The following DNM3 variants were observed in gnomAD, a reference collection of about 807,000 sequenced individuals.
The protein encoded by DNM3 is dynamin-3.
Under a neutral mutation model 101.6 loss-of-function variants are expected in DNM3, and 47 were observed. The observed-to-expected ratio is 0.46, with a 90% confidence interval of 0.37 to 0.59. DNM3 has a LOEUF of 0.59. Ranked by LOEUF, DNM3 falls within the 20% of genes least tolerant of loss-of-function variation. DNM3 has a pLI of 0.00. For synonymous variants in DNM3, 385 were observed against 387.9 expected, an observed-to-expected ratio of 0.99 and a Z score of 0.09; for missense variants, 849 against 1,085.7, an observed-to-expected ratio of 0.78 and a Z score of 3.06.
intron 14 of DNM3, among the ~76,000 whole-genome samples, chr1:172,212,599 G>A (rs2060551245): frequency 6.6e-6 from 1 of 152,142 alleles, no homozygotes; most frequent in South Asian, 2.1e-4. Context: ...ACAGGAGAAG[G>A]TGTGATATGT....
chr1:172,191,381 G>A (rs1469942166), intron 14 of DNM3, among the ~76,000 whole-genome samples: 3 of 152,132 alleles, frequency 2.0e-5, no homozygotes, highest in African/African-American at 7.2e-5. Flanking sequence ...CTATATCTCT[G>A]TTTTGGTACC....
chr1:172,164,094 C>T (rs2058659136), intron 14 of DNM3, among the ~76,000 whole-genome samples: 1 of 151,896 alleles, frequency 6.6e-6, no homozygotes, highest in South Asian at 2.1e-4. Flanking sequence ...ATGAACTAAC[C>T]ACTAACTGAG....
At chr1:171,868,648 T>C (rs1161901300) in intron 1 of DNM3, among the ~76,000 whole-genome samples, 5 of 152,242 alleles carry the variant, frequency 3.3e-5, no homozygotes, top group Non-Finnish European at 7.3e-5. Context: ...TAGTACCTTC[T>C]GGCAACTCTG....
intron 2 of DNM3, among the ~76,000 whole-genome samples, chr1:171,974,816 C>A (rs2044252609): frequency 6.8e-6 from 1 of 146,124 alleles, no homozygotes. Context: ...TAAGGACAAC[C>A]TTTGGTTCTT....
intron 11 of DNM3, among the ~76,000 whole-genome samples, chr1:172,079,878 C>T (rs558749563): frequency 3.1e-4 from 47 of 152,302 alleles, no homozygotes; most frequent in African/African-American, 1.1e-3. Flanking sequence ...CAGTCAGGCC[C>T]CTCTGCTGCA....
At chr1:171,959,291 A>G (rs1443144232) in intron 2 of DNM3, among the ~76,000 whole-genome samples, 1 of 152,038 alleles carries the variant, frequency 6.6e-6, no homozygotes, top group Non-Finnish European at 1.5e-5. Context: ...CAAATGTAGT[A>G]TTTTGTATTA....
chr1:172,057,060 G>A (rs1177067926), intron 10 of DNM3, among the ~76,000 whole-genome samples: 1 of 152,088 alleles, frequency 6.6e-6, no homozygotes, highest in African/African-American at 2.4e-5. Context: ...GAAGCCTCAG[G>A]AGCCGATGTG....
chr1:172,139,121 G>GT (rs548242243), intron 14 of DNM3: 7 of 303,308 alleles, frequency 2.3e-5, no homozygotes, highest in Middle Eastern at 7.9e-4. Flanking sequence ...GATAATTTGC[G>GT]TAACAGAAAA....
At chr1:171,884,302 G>A (rs146977731) in intron 1 of DNM3, among the ~76,000 whole-genome samples, 14 of 152,280 alleles carry the variant, frequency 9.2e-5, no homozygotes, top group Non-Finnish European at 2.1e-4. Flanking sequence ...TCAGAATAAA[G>A]ACTAGGCATC....
At chr1:172,153,631 G>T (rs1011657059) in intron 14 of DNM3, among the ~76,000 whole-genome samples, 1 of 151,536 alleles carries the variant, frequency 6.6e-6, no homozygotes, top group African/African-American at 2.4e-5. Context: ...GCCCCTATTC[G>T]TCCTGTTTCT....
At chr1:172,006,441 AG>A (rs1157311406) in intron 4 of DNM3, among the ~76,000 whole-genome samples, 4 of 152,038 alleles carry the variant, frequency 2.6e-5, no homozygotes, top group Non-Finnish European at 5.9e-5. Context: ...TAAGACTCAG[AG>A]GCTTTTTCAG....
chr1:172,389,305 A>G (rs2149082279), intron 20 of DNM3: 1 of 157,800 alleles, frequency 6.3e-6, no homozygotes, highest in Middle Eastern at 3.4e-3. Context: ...AATCTGGCTG[A>G]TTGATCTGCA....
chr1:172,073,320 CAT>C (rs916204632), intron 11 of DNM3, among the ~76,000 whole-genome samples: 2 of 151,488 alleles, frequency 1.3e-5, no homozygotes, highest in African/African-American at 4.9e-5. Flanking sequence ...CATATTTGAA[CAT>C]ATGTGCATAT....
At chr1:172,346,869 G>A (rs2066966677) in intron 17 of DNM3, among the ~76,000 whole-genome samples, 1 of 152,132 alleles carries the variant, frequency 6.6e-6, no homozygotes, top group Admixed American at 6.5e-5. Context: ...GTAAAGCTTA[G>A]TACATTCCAA....
chr1:171,987,274 G>C, intron 2 of DNM3: 1 of 984,224 alleles, frequency 1.0e-6, no homozygotes, highest in South Asian at 4.7e-5. Context: ...ATGAAATGGT[G>C]ATACTGAAGA....
intron 15 of DNM3, among the ~76,000 whole-genome samples, chr1:172,287,805 G>GCACA (rs3078985): frequency 1.0e-3 from 148 of 144,178 alleles, no homozygotes; most frequent in African/African-American, 3.1e-3. Context: ...ATATACACAT[G>GCACA]CACACACACA....
rs146896311 is a variant in DNM3, at chr1:172,251,073, T to C, written c.1660-2500T>C. Among the ~76,000 whole-genome samples, 344 of 152,290 alleles carry C rather than the reference T, an allele frequency of 2.3e-3. 1 individual carries two copies. The highest frequency in any genetic ancestry group is 6.7e-3 in the African/African-American group (280 of 41,576). ...AGATCTGGGGTCTATCTTGCATTTC[T>C]AGCTAATCCCAGTTGAGCTACATTT... is the stretch of plus-strand genomic sequence containing the variant. On this transcript the variant is annotated intron_variant, in intron 14 of 20. Transcript: ENST00000627582.
At chr1:171,939,474 G>T (rs896740203) in intron 2 of DNM3, among the ~76,000 whole-genome samples, 3 of 152,138 alleles carry the variant, frequency 2.0e-5, no homozygotes, top group Non-Finnish European at 2.9e-5. Context: ...CCAAACCAAC[G>T]ATTATACTTC....
intron 1 of DNM3, among the ~76,000 whole-genome samples, chr1:171,847,896 CTGTGTGTG>C (rs752990905): frequency 2.1e-5 from 3 of 141,156 alleles, no homozygotes; most frequent in African/African-American, 5.4e-5. Flanking sequence ...CTCTCTCTCT[CTGTGTGTG>C]TGTGTGTGTG....
Sources: gnomAD v4.1 joint callset for allele counts (sites outside exome capture counted in the v4.1 genomes callset) on GRCh38, gnomAD v4.1.1 for gene constraint, MANE v1.5 for transcripts, NCBI Gene and HGNC (gene_info 2026-07-23, HGNC 2026-07-21) for gene names.